MACROD2: variants seen among roughly 807,000 people sequenced by gnomAD.
MACROD2 encodes the protein mono-ADP ribosylhydrolase 2.
In MACROD2, 36 loss-of-function variants were observed where a neutral mutation model predicts 70.4. The ratio of observed to expected loss-of-function variants is 0.51; its 90% CI spans 0.39 to 0.68. MACROD2 has a LOEUF of 0.68. MACROD2 is among the 30% of genes least tolerant of loss of function. The pLI is 0.00. For synonymous variants in MACROD2, 172 were observed against 178.8 expected (o/e 0.96, Z 0.30); for missense variants, 496 against 538.4 (o/e 0.92, Z 0.78).
At chr20:14,069,885 C>T (rs752107548) in intron 2 of MACROD2, among the ~76,000 whole-genome samples, 20 of 151,724 alleles carry the variant, frequency 1.3e-4, no homozygotes, top group Non-Finnish European at 2.9e-4. Context: ...ACGTTGGTGT[C>T]TGTGCTCGCT....
At chr20:14,042,414 C>T (rs946518954) in intron 2 of MACROD2, among the ~76,000 whole-genome samples, 9 of 152,290 alleles carry the variant, frequency 5.9e-5, no homozygotes, top group Middle Eastern at 3.4e-3. Flanking sequence ...ACAGAAGACT[C>T]CTGTGACCTC....
chr20:14,773,725 G>T (rs1025531335), intron 5 of MACROD2, among the ~76,000 whole-genome samples: 15 of 152,028 alleles, frequency 9.9e-5, no homozygotes, highest in Admixed American at 9.8e-4. Context: ...TGACTTCATT[G>T]TACAGTAAGT....
At chr20:15,072,768 C>T (rs1214980842) in intron 5 of MACROD2, among the ~76,000 whole-genome samples, 2 of 151,930 alleles carry the variant, frequency 1.3e-5, no homozygotes, top group African/African-American at 4.8e-5. Flanking sequence ...TTTGAATATC[C>T]CCCTTTCCAC....
chr20:15,196,069 G>A (rs1161787150), intron 5 of MACROD2, among the ~76,000 whole-genome samples: 3 of 152,064 alleles, frequency 2.0e-5, no homozygotes, highest in Non-Finnish European at 4.4e-5. Context: ...CACACACTGG[G>A]GCCCTTAAGA....
rs201783000 is a variant in MACROD2 at position 14,601,097 on chromosome 20, A to ATC, written c.302-83745_302-83744insCT. 6.4e-4 allele frequency among the ~76,000 whole-genome samples: 97 copies of ATC among 152,242 alleles called. 2 individuals carry two copies. The East Asian group carries it at 0.013, about 21-fold the overall frequency. On this transcript the variant is annotated intron_variant, in intron 4 of 17. Transcript: ENST00000684519. ...GAGTTAAATCACATAATATATATAT[A>ATC]TAAAGCCTACAGCATCTGGCTCCTA...
rs1046860521 is a variant in MACROD2 at position 14,773,878 on chromosome 20, AT to A, written c.418+88920del. The stretch of plus-strand genomic sequence containing the variant: ...TGAAGTGTCCTTATGTGATGTAGCT[AT>A]ACTTACTTTTTGGTGTCAAACATCT... On this transcript the variant is annotated intron_variant, in intron 5 of 17. Transcript: ENST00000684519. Among the ~76,000 whole-genome samples, 155 of 152,210 alleles carry A rather than the reference AT, an allele frequency of 1.0e-3. 1 individual carries two copies. The highest frequency in any genetic ancestry group is 3.6e-3 in the African/African-American group (149 of 41,512).
chr20:15,973,278 A>G (rs910173974), intron 13 of MACROD2, among the ~76,000 whole-genome samples: 2 of 152,134 alleles, frequency 1.3e-5, no homozygotes, highest in African/African-American at 2.4e-5. Context: ...TGAGGAAGGG[A>G]ATGAAGAAAG....
Position 14,230,652 on chromosome 20 carries a change from T to A in MACROD2, c.271+144924T>A, listed in dbSNP as rs533361881. On this transcript the variant is annotated intron_variant, in intron 3 of 17. Coordinates refer to ENST00000684519, the MANE Select transcript of MACROD2 (RefSeq NM_001351661.2). The stretch of plus-strand genomic sequence containing the variant: ...ATGTTTATATATATATATATATATA[T>A]ATAACACAGGCTGGGCCTATATATA... Among the ~76,000 whole-genome samples the A allele has an allele frequency of 8.6e-3, 299 of 34,774 alleles. 35 individuals carry two copies. The highest frequency in any genetic ancestry group is 0.074 in the East Asian group (58 of 788). The allele number at this position is 34,774 out of a possible 152,430, so 22.8% of individuals were successfully genotyped here. A position where few individuals can be genotyped will look rare whatever the true frequency, so the allele number is the denominator to read the frequency against.
chr20:15,928,463 T>A (rs1411003430), intron 10 of MACROD2, among the ~76,000 whole-genome samples: 2 of 152,326 alleles, frequency 1.3e-5, no homozygotes, highest in African/African-American at 4.8e-5. Flanking sequence ...TTTACATATC[T>A]TACCCAGACA....
chr20:16,012,410 A>G (rs1364222495), intron 15 of MACROD2, among the ~76,000 whole-genome samples: 1 of 152,196 alleles, frequency 6.6e-6, no homozygotes, highest in Admixed American at 6.5e-5. Flanking sequence ...CACTTAGGCC[A>G]TACTCCCGAC....
intron 3 of MACROD2, among the ~76,000 whole-genome samples, chr20:14,404,378 G>A (rs1192597617): frequency 6.6e-6 from 1 of 152,146 alleles, no homozygotes; most frequent in Non-Finnish European, 1.5e-5. Context: ...TGTAATCCCA[G>A]CACTTTGGAA....
At chr20:14,011,464 C>CA (rs1470080320) in intron 2 of MACROD2, among the ~76,000 whole-genome samples, 8 of 152,076 alleles carry the variant, frequency 5.3e-5, no homozygotes, top group Admixed American at 2.0e-4. Context: ...GCATTTCCCC[C>CA]CCTTCAGAAT....
At chr20:14,747,062 T>C (rs6074789) in intron 5 of MACROD2, among the ~76,000 whole-genome samples, 56,143 of 152,088 alleles carry the variant, frequency 0.37, 12,920 homozygotes, top group Non-Finnish European at 0.51. Context: ...ACCCATCATA[T>C]GTCCAGTCCT....
chr20:15,277,708 G>A (rs965503487), intron 6 of MACROD2, among the ~76,000 whole-genome samples: 1 of 152,114 alleles, frequency 6.6e-6, no homozygotes, highest in Non-Finnish European at 1.5e-5. Context: ...TAATATGATT[G>A]AATACAGCTT....
At chr20:15,430,975 A>G (rs2046356708) in intron 6 of MACROD2, among the ~76,000 whole-genome samples, 1 of 152,026 alleles carries the variant, frequency 6.6e-6, no homozygotes, top group Non-Finnish European at 1.5e-5. Context: ...GGAGCTGGAA[A>G]GAGAGACTTG....
At chr20:14,861,965 T>TTTTATATATAAATATATATATATATA (rs2073323179) in intron 5 of MACROD2, among the ~76,000 whole-genome samples, 1 of 74,360 alleles carries the variant, frequency 1.3e-5, no homozygotes, top group Non-Finnish European at 2.6e-5. Flanking sequence ...ACATTGGAGG[T>TTTTATATATAAATATATATATATATA]TTTATATATA....
chr20:16,046,296 T>C (rs2067380309), intron 17 of MACROD2, among the ~76,000 whole-genome samples: 1 of 152,090 alleles, frequency 6.6e-6, no homozygotes, highest in Non-Finnish European at 1.5e-5. Flanking sequence ...TGCTAAAAAG[T>C]ATAAGCTCAT....
chr20:14,965,828 T>G (rs1159909517), intron 5 of MACROD2, among the ~76,000 whole-genome samples: 1 of 152,114 alleles, frequency 6.6e-6, no homozygotes, highest in Non-Finnish European at 1.5e-5. Flanking sequence ...TATAAAACAG[T>G]GCATTTTAAA....
intron 5 of MACROD2, among the ~76,000 whole-genome samples, chr20:14,853,486 C>G (rs2073221698): frequency 6.8e-6 from 1 of 146,508 alleles, no homozygotes; most frequent in African/African-American, 2.5e-5. Context: ...AGGTAGAAGA[C>G]AAAGCTGTAT....
Sources: allele counts gnomAD v4.1 joint callset (sites outside exome capture counted in the v4.1 genomes callset), GRCh38; gene constraint gnomAD v4.1.1; transcripts MANE v1.5; gene names NCBI Gene and HGNC (gene_info 2026-07-23, HGNC 2026-07-21).